The following TTBK2 variants were observed in gnomAD, a reference collection of about 807,000 sequenced individuals.
TTBK2 encodes tau-tubulin kinase 2.
In TTBK2, 28 loss-of-function variants were observed where a neutral mutation model predicts 110.8. The observed-to-expected ratio is 0.25, with a 90% CI of 0.19 to 0.35. The LOEUF is 0.35. Among genes scored for constraint, TTBK2 ranks in the 10% least tolerant of loss-of-function variants. TTBK2 has a pLI of 1.00. For synonymous variants in TTBK2, 532 were observed against 527.3 expected, an observed-to-expected ratio of 1.01 and a Z score of -0.12; for missense variants, 1,369 against 1,500.3, an observed-to-expected ratio of 0.91 and a Z score of 1.45.
intron 1 of TTBK2, among the ~76,000 whole-genome samples, chr15:42,885,898 T>C (rs541881064): frequency 6.6e-6 from 1 of 152,320 alleles, no homozygotes; most frequent in Non-Finnish European, 1.5e-5. Context: ...GCAATACCGC[T>C]TGGCCCCAAT....
At chr15:42,819,264 C>T (rs892653795) in intron 6 of TTBK2, among the ~76,000 whole-genome samples, 15 of 151,102 alleles carry the variant, frequency 9.9e-5, no homozygotes, top group Non-Finnish European at 1.5e-4. Context: ...GTCAAGAGAT[C>T]GACACCATCC....
At chr15:42,843,457 G>A (rs778123970) in intron 3 of TTBK2, among the ~76,000 whole-genome samples, 3 of 152,086 alleles carry the variant, frequency 2.0e-5, no homozygotes, top group Non-Finnish European at 4.4e-5. Flanking sequence ...ACTAGCTGGT[G>A]GTGATAAGAT....
chr15:42,761,141 G>A (rs2062020062), intron 13 of TTBK2, among the ~76,000 whole-genome samples: 2 of 152,144 alleles, frequency 1.3e-5, no homozygotes, highest in Admixed American at 1.3e-4. Context: ...GCAGAACAAT[G>A]AAACTAGACC....
chr15:42,801,283 T>A, intron 9 of TTBK2: 1 of 1,540,936 alleles, frequency 6.5e-7, no homozygotes. Flanking sequence ...TTGACGTTCA[T>A]CAGCTCCTGG....
chr15:42,912,755 T>C lies in TTBK2; in HGVS notation c.-68+7683A>G, dbSNP rs115494488. Among the ~76,000 whole-genome samples, 1,388 of 151,976 alleles carry C rather than the reference T, an allele frequency of 9.1e-3. 17 individuals are homozygous for C. The highest frequency in any genetic ancestry group is 0.032 in the African/African-American group (1,319 of 41,470). ...GTATCTAAATTGTTACATTTTAAAA[T>C]AAAACAAGATCATGTGTAGAAACAA... On this transcript the variant is annotated intron_variant, in intron 1 of 14. Transcript: ENST00000267890.
intron 10 of TTBK2, among the ~76,000 whole-genome samples, chr15:42,792,453 T>C (rs909315184): frequency 1.9e-4 from 29 of 152,314 alleles, no homozygotes; most frequent in African/African-American, 7.0e-4. Flanking sequence ...ACTTCTCCCT[T>C]TTTTTTCTTT....
rs1321238686 is a variant in TTBK2, at chr15:42,746,030, G to A, written c.3500C>T (p.Ser1167Leu). ...SSSLPRTSSS[S>L]PSRAGRPHHD... ...GTGGGGCCGTCCAGCCCTAGATGGT[G>A]AGGAACTAGACGTGCGAGGCAAGGA... Residue 1167 changes from serine to leucine, a missense_variant, in exon 15 of 15, where the codon TCA becomes TTA. Physicochemically the swap from Ser to Leu is moderately radical, Grantham distance 145. Transcript: ENST00000267890. The A allele has an allele frequency of 4.3e-6, 7 of 1,614,208 alleles. No individual in the cohort carries two copies. The highest frequency in any genetic ancestry group is 5.9e-6 in the Non-Finnish European group (7 of 1,180,042).
At chr15:42,776,254 T>C (rs1473567939) in intron 12 of TTBK2, among the ~76,000 whole-genome samples, 1 of 152,230 alleles carries the variant, frequency 6.6e-6, no homozygotes, top group East Asian at 1.9e-4. Flanking sequence ...TCTAACCTAA[T>C]ATTTCATTAC....
At chr15:42,843,342 C>T (rs991864384) in intron 3 of TTBK2, among the ~76,000 whole-genome samples, 35 of 152,180 alleles carry the variant, frequency 2.3e-4, no homozygotes, top group African/African-American at 8.0e-4. Context: ...AGGCCAAAAA[C>T]GGGATTACGG....
At chr15:42,756,651 C>T (rs1298805730) in intron 13 of TTBK2, among the ~76,000 whole-genome samples, 2 of 152,106 alleles carry the variant, frequency 1.3e-5, no homozygotes, top group African/African-American at 4.8e-5. Flanking sequence ...TTAATTTCTA[C>T]AGTTCTGAGA....
intron 3 of TTBK2, among the ~76,000 whole-genome samples, chr15:42,853,058 T>G (rs1270693731): frequency 6.6e-6 from 1 of 152,160 alleles, no homozygotes; most frequent in Non-Finnish European, 1.5e-5. Flanking sequence ...TTTCTTCTAT[T>G]CTTATGACTG....
chr15:42,894,279 G>A (rs1424219887), intron 1 of TTBK2, among the ~76,000 whole-genome samples: 1 of 152,080 alleles, frequency 6.6e-6, no homozygotes, highest in Admixed American at 6.5e-5. Context: ...CCAGTCTCAG[G>A]TAAGTCTTTA....
chr15:42,777,167 G>C lies in TTBK2; in HGVS notation c.1273C>G (p.Arg425Gly). ...LNAPSLGSPI[R>G]VRSEITQPDR... ...GGCTGAGTAATCTCTGAGCGGACACGAATTGGTGACCCAAGGCTTGGAGCA... is the reference window on the plus strand; with the variant it reads ...GGCTGAGTAATCTCTGAGCGGACACCAATTGGTGACCCAAGGCTTGGAGCA... Residue 425 changes from arginine to glycine, a missense_variant, in exon 12 of 15, where the codon CGT becomes GGT. By Grantham distance (125) the Arg-to-Gly change is moderately radical (BLOSUM62 -2). This residue lies in a region of TTBK2 where 1,097 missense variants were observed against 1,114.7 expected (regional missense o/e 0.98). Coordinates refer to ENST00000267890, the MANE Select transcript of TTBK2 (RefSeq NM_173500.4). 1 of 1,614,170 alleles carries C rather than the reference G, an allele frequency of 6.2e-7. No individual in the cohort carries two copies.
chr15:42,771,636 A>G (rs7165249), intron 13 of TTBK2, among the ~76,000 whole-genome samples: 9,151 of 152,306 alleles, frequency 0.06, 782 homozygotes, highest in African/African-American at 0.19. Context: ...AAATACAGTC[A>G]GAGGAATTCT....
rs1306815782 is a variant in TTBK2, at chr15:42,775,294, G to A, written c.1839C>T (p.Thr613=). The change falls in exon 13 of 15, where the codon ACC becomes ACT. Residue 613 remains threonine (T), a synonymous_variant. Coordinates refer to ENST00000267890, the MANE Select transcript of TTBK2 (RefSeq NM_173500.4). ...WAENDHLKKE[T]SGVVLALSAE... is the part of the protein sequence containing the mutation. ...CAGAAAGTGCTAAGACCACACCTGA[G>A]GTTTCCTTCTTTAAATGATCATTTT... The A allele has an allele frequency of 1.2e-6, 2 of 1,614,004 alleles. No homozygotes were observed. Among genetic ancestry groups the A allele is most frequent in the Non-Finnish European group, 1.7e-6 (2 of 1,180,042 alleles).
intron 9 of TTBK2, among the ~76,000 whole-genome samples, chr15:42,807,301 T>C (rs1436452475): frequency 2.0e-5 from 3 of 152,176 alleles, no homozygotes; most frequent in Admixed American, 1.3e-4. Flanking sequence ...ACCAACGGTG[T>C]GTATATTTAT....
intron 9 of TTBK2, among the ~76,000 whole-genome samples, chr15:42,797,688 T>C (rs1891004453): frequency 1.3e-5 from 2 of 152,160 alleles, no homozygotes; most frequent in South Asian, 4.1e-4. Flanking sequence ...CATTTGGTTA[T>C]GATAAATAAT....
At chr15:42,899,515 C>T (rs963899763) in intron 1 of TTBK2, among the ~76,000 whole-genome samples, 20 of 151,678 alleles carry the variant, frequency 1.3e-4, no homozygotes, top group Admixed American at 6.6e-5. Context: ...CCGAGGCAGG[C>T]GGATCACGAG....
chr15:42,759,876 C>T (rs975691418), intron 13 of TTBK2, among the ~76,000 whole-genome samples: 1 of 151,726 alleles, frequency 6.6e-6, no homozygotes. Context: ...ATGACAACAC[C>T]CAAGGAATGA....
Sources: allele counts gnomAD v4.1 joint callset (sites outside exome capture counted in the v4.1 genomes callset), GRCh38; gene constraint gnomAD v4.1.1; regional missense constraint gnomAD v4.1.1; transcripts MANE v1.5; gene names NCBI Gene and HGNC (gene_info 2026-07-23, HGNC 2026-07-21).